The following NRG1 variants were observed in gnomAD, a reference collection of about 807,000 sequenced individuals.
NRG1 encodes the protein neuregulin 1.
In NRG1, 18 loss-of-function variants were observed where a neutral mutation model predicts 63.8. The observed-to-expected ratio is 0.28, with a 90% confidence interval of 0.19 to 0.42. The LOEUF (loss-of-function observed/expected upper bound fraction) is 0.42, where lower values mean the gene tolerates loss of function less well. NRG1 is among the 10% of genes least tolerant of loss of function. The probability of loss-of-function intolerance (pLI) is 1.00; values close to 1 mark genes in which losing one functional copy is unlikely to be tolerated. For missense variants in NRG1, 762 were observed against 814.7 expected (o/e 0.94, Z 0.79); for synonymous variants, 302 against 301.3 (o/e 1.00, Z -0.02).
intron 5 of NRG1, among the ~76,000 whole-genome samples, chr8:32,710,990 G>T (rs1419288780): frequency 6.6e-6 from 1 of 152,150 alleles, no homozygotes; most frequent in Non-Finnish European, 1.5e-5. Flanking sequence ...CTCATTCTCT[G>T]ACAATGTAGT....
chr8:32,387,287 A>G (rs1038781262), intron 1 of NRG1, among the ~76,000 whole-genome samples: 1 of 152,376 alleles, frequency 6.6e-6, no homozygotes, highest in Admixed American at 6.5e-5. Flanking sequence ...GATGTCATCA[A>G]CAATGGCTTT....
intron 1 of NRG1, among the ~76,000 whole-genome samples, chr8:31,797,836 C>T (rs1821378874): frequency 6.6e-6 from 1 of 152,278 alleles, no homozygotes; most frequent in Admixed American, 6.5e-5. Flanking sequence ...TACAGAATGG[C>T]TTACTATTCA....
chr8:32,679,321 A>G (rs1808008203), intron 5 of NRG1, among the ~76,000 whole-genome samples: 1 of 152,214 alleles, frequency 6.6e-6, no homozygotes, highest in African/African-American at 2.4e-5. Flanking sequence ...TAAATCCTTA[A>G]CAATATATAG....
At chr8:31,809,715 AT>A (rs1008427275) in intron 1 of NRG1, among the ~76,000 whole-genome samples, 3 of 96,888 alleles carry the variant, frequency 3.1e-5, no homozygotes, top group African/African-American at 1.1e-4. Flanking sequence ...CTATTTCAAG[AT>A]TTTTTTCTAC....
chr8:32,156,404 C>G (rs935877328), intron 1 of NRG1, among the ~76,000 whole-genome samples: 1 of 152,176 alleles, frequency 6.6e-6, no homozygotes, highest in Non-Finnish European at 1.5e-5. Flanking sequence ...TTGCTCATGT[C>G]ATACTTTTTA....
intron 1 of NRG1, among the ~76,000 whole-genome samples, chr8:31,763,963 G>T (rs536587676): frequency 7.3e-6 from 1 of 137,624 alleles, no homozygotes; most frequent in African/African-American, 2.8e-5. Context: ...CCAAGATCGC[G>T]CCACCACACT....
chr8:32,156,992 C>T (rs79853417), intron 1 of NRG1, among the ~76,000 whole-genome samples: 13,676 of 151,826 alleles, frequency 0.09, 1,397 homozygotes, highest in African/African-American at 0.25. Flanking sequence ...TCAACGCTAA[C>T]ATTGCCTCCA....
chr8:32,458,937 T>C (rs986392196), intron 1 of NRG1, among the ~76,000 whole-genome samples: 1 of 152,176 alleles, frequency 6.6e-6, no homozygotes, highest in Non-Finnish European at 1.5e-5. Flanking sequence ...CTTCACTCTT[T>C]CTCCTCTGTT....
At chr8:32,647,794 A>G (rs1245403917) in intron 5 of NRG1, 3 of 1,613,502 alleles carry the variant, frequency 1.9e-6, no homozygotes, top group Non-Finnish European at 2.5e-6. Flanking sequence ...CTGAGTGCAG[A>G]CCCATCTCTT....
chr8:32,626,418 C>A (rs1395051964), intron 5 of NRG1, among the ~76,000 whole-genome samples: 5 of 150,538 alleles, frequency 3.3e-5, no homozygotes, highest in Non-Finnish European at 7.4e-5. Context: ...CGGTGGCTCA[C>A]ACCTGTAATC....
At chr8:32,454,655 C>T (rs183591973) in intron 1 of NRG1, among the ~76,000 whole-genome samples, 37 of 144,972 alleles carry the variant, frequency 2.6e-4, no homozygotes, top group African/African-American at 7.4e-4. Flanking sequence ...GGCCTCCCAA[C>T]GTGCTGAGAT....
At chr8:32,611,438 T>G (rs962113211) in intron 3 of NRG1, among the ~76,000 whole-genome samples, 1 of 152,080 alleles carries the variant, frequency 6.6e-6, no homozygotes. Context: ...AAAATATGTT[T>G]TATAATTTGT....
chr8:32,646,654 G>A, intron 5 of NRG1: 1 of 978,944 alleles, frequency 1.0e-6, no homozygotes. Flanking sequence ...TGGCAAGGTG[G>A]GGGTGGAAGA....
chr8:32,380,272 G>A (rs908479302), intron 1 of NRG1, among the ~76,000 whole-genome samples: 29 of 151,844 alleles, frequency 1.9e-4, no homozygotes, highest in Non-Finnish European at 1.2e-4. Context: ...ATCCTTTTCG[G>A]TTTTCCTCTT....
chr8:31,935,588 C>CAT (rs1835236174), intron 1 of NRG1, among the ~76,000 whole-genome samples: 3 of 152,188 alleles, frequency 2.0e-5, no homozygotes, highest in Non-Finnish European at 4.4e-5. Context: ...AGGTGAGAAA[C>CAT]TGAACCTCAG....
chr8:31,885,328 T>G (rs1830638559), intron 1 of NRG1, among the ~76,000 whole-genome samples: 1 of 151,980 alleles, frequency 6.6e-6, no homozygotes, highest in South Asian at 2.1e-4. Context: ...AAAAAAAATC[T>G]GAAGTGTAAG....
intron 5 of NRG1, among the ~76,000 whole-genome samples, chr8:32,670,140 A>C (rs1805252818): frequency 6.6e-6 from 1 of 152,176 alleles, no homozygotes; most frequent in Non-Finnish European, 1.5e-5. Flanking sequence ...ATTAAAACAT[A>C]TTCTTGAAAC....
rs1001192581 is a variant in NRG1 at position 31,758,051 on chromosome 8, G to A, written c.37+118620G>A. Among the ~76,000 whole-genome samples the A allele has an allele frequency of 1.4e-4, 22 of 151,942 alleles. 1 individual carries two copies. The highest frequency in any genetic ancestry group is 4.1e-4 in the African/African-American group (17 of 41,450). On this transcript the variant is annotated intron_variant, in intron 1 of 10. Coordinates refer to the NRG1 transcript ENST00000519301. ...TACAGTGGGTACTCTGTTGTGCCTG[G>A]ATTTATTTATTTATTTATTTATTAC...
chr8:32,431,412 C>T lies in NRG1; in HGVS notation c.38-164416C>T, dbSNP rs1818135156. Among the ~76,000 whole-genome samples, 4 of 152,238 alleles carry T rather than the reference C, an allele frequency of 2.6e-5. No homozygotes were observed. In the South Asian group the frequency reaches 8.3e-4, roughly 32 times the overall value. On this transcript the variant is annotated intron_variant, in intron 1 of 10. Transcript: ENST00000519301. The stretch of plus-strand genomic sequence containing the variant: ...GGAAGCCACACGTCCTGGTCCAGCA[C>T]TTATTCTCAGGCCTCCCAGGGACAC...
Sources: gnomAD v4.1 joint callset for allele counts (sites outside exome capture counted in the v4.1 genomes callset) on GRCh38, gnomAD v4.1.1 for gene constraint, MANE v1.5 for transcripts, NCBI Gene and HGNC (gene_info 2026-07-23, HGNC 2026-07-21) for gene names.